Variants in PAK5 observed in about 807,000 individuals in gnomAD.
PAK5 encodes the protein p21 (RAC1) activated kinase 5, also known as serine/threonine-protein kinase PAK 5.
A neutral mutation model predicts 65.9 loss-of-function variants in PAK5; 16 were observed. The ratio of observed to expected loss-of-function variants is 0.24; its 90% CI spans 0.16 to 0.37. PAK5 has a LOEUF of 0.37. PAK5 is among the 10% of genes least tolerant of loss of function. The probability of loss-of-function intolerance (pLI) is 1.00; values close to 1 mark genes in which losing one functional copy is unlikely to be tolerated. For synonymous variants in PAK5, 371 were observed against 354.9 expected (o/e 1.05, Z -0.51); for missense variants, 785 against 903.9 (o/e 0.87, Z 1.69).
chr20:9,787,990 G>GA (rs1363682154), intron 1 of PAK5, among the ~76,000 whole-genome samples: 1 of 150,986 alleles, frequency 6.6e-6, no homozygotes, highest in East Asian at 2.0e-4. Context: ...TGTTGGGGGG[G>GA]GTATGTGTGA....
At chr20:9,607,505 A>T (rs1262164958) in intron 3 of PAK5, among the ~76,000 whole-genome samples, 2 of 152,194 alleles carry the variant, frequency 1.3e-5, no homozygotes, top group Non-Finnish European at 2.9e-5. Flanking sequence ...TCTCAGTGTT[A>T]ATGTCTTAAT....
chr20:9,760,577 GAAA>G lies in PAK5; in HGVS notation c.-161-49145_-161-49143del, dbSNP rs5840330. Reference sequence around the variant, plus strand: ...AGAATTTCAAGTTTTTGATGGTTGAGAAAAAAAAAAAAAAATGTATATTTGAGT... The same window carrying G: ...AGAATTTCAAGTTTTTGATGGTTGAGAAAAAAAAAAAATGTATATTTGAGT... On this transcript the variant is annotated intron_variant, in intron 1 of 9. Coordinates refer to ENST00000353224, the MANE Select transcript of PAK5 (RefSeq NM_177990.4). 7.5e-5 allele frequency among the ~76,000 whole-genome samples: 9 copies of G among 119,982 alleles called. No individual in the cohort carries two copies. The East Asian group carries it at 1.9e-3, about 25-fold the overall frequency. 78.7% of individuals were successfully genotyped at this position (119,982 alleles called of 152,430 possible). A position where few individuals can be genotyped will look rare whatever the true frequency, so the allele number is the denominator to read the frequency against.
At chr20:9,643,293 G>A (rs902225473) in intron 3 of PAK5, among the ~76,000 whole-genome samples, 2 of 152,110 alleles carry the variant, frequency 1.3e-5, no homozygotes, top group African/African-American at 4.8e-5. Flanking sequence ...GAGAACTTTT[G>A]GGCAATTGCC....
intron 1 of PAK5, among the ~76,000 whole-genome samples, chr20:9,745,745 T>C (rs990324000): frequency 6.6e-6 from 1 of 152,062 alleles, no homozygotes; most frequent in Non-Finnish European, 1.5e-5. Flanking sequence ...TGCCACTCCA[T>C]GGATCACATT....
Position 9,580,340 on chromosome 20 carries a change from G to A in PAK5, c.795C>T (p.Asp265=), listed in dbSNP as rs149110620. Reference sequence around the variant, plus strand: ...TCAGGTACGAAGACTTTGGCCTCCTGTCATAGTCATCCAGGCTGGGTCCCC... The same window carrying A: ...TCAGGTACGAAGACTTTGGCCTCCTATCATAGTCATCCAGGCTGGGTCCCC... The part of the protein sequence containing the change: ...SEWGPSLDDY[D]RRPKSSYLNQ... Residue 265 remains aspartate, a synonymous_variant, in exon 4 of 10, where the codon GAC becomes GAT. Coordinates refer to ENST00000353224, the MANE Select transcript of PAK5 (RefSeq NM_177990.4). 7.9e-5 allele frequency: 128 copies of A among 1,614,036 alleles called. No homozygotes were observed. Among genetic ancestry groups the A allele is most frequent in the Non-Finnish European group, 1.0e-4 (119 of 1,180,034 alleles).
At position 9,542,738 on chromosome 20, in the gene PAK5, C is replaced by G. The variant is rs2045286869; in HGVS notation, c.1870-18G>C. On this transcript the variant is annotated intron_variant, in intron 8 of 9. Transcript: ENST00000353224. ...ATGTCCACCTGTTAGGCACACCCTA[C>G]TGGTTATCTCAGGCAAGGAGAACAT... The G allele has an allele frequency of 6.2e-7, 1 of 1,610,526 alleles. No individual in the cohort carries two copies. The highest frequency in any genetic ancestry group is 8.5e-7 in the Non-Finnish European group (1 of 1,177,564).
At position 9,538,570 on chromosome 20, in the gene PAK5, AG is replaced by A. The variant is rs1479266717; in HGVS notation, c.*891del. The A allele has an allele frequency of 4.3e-6, 1 of 233,158 alleles. No homozygotes were observed. Among genetic ancestry groups the A allele is most frequent in the African/African-American group, 2.2e-5 (1 of 45,332 alleles). 14.4% of individuals were successfully genotyped at this position (233,158 alleles called of 1,614,324 possible). ...TCCCTGGGAGGGAAATTTGGCCACAAGGGAACATTGTACCCATTTGAGAAAG... is the reference window on the plus strand; with the variant it reads ...TCCCTGGGAGGGAAATTTGGCCACAAGGAACATTGTACCCATTTGAGAAAG... On this transcript the variant is annotated 3_prime_UTR_variant, in exon 10 of 10. Coordinates refer to ENST00000353224, the MANE Select transcript of PAK5 (RefSeq NM_177990.4).
chr20:9,541,520 A>G (rs1169572680), intron 9 of PAK5, among the ~76,000 whole-genome samples: 2 of 151,882 alleles, frequency 1.3e-5, no homozygotes, highest in East Asian at 3.9e-4. Flanking sequence ...CCCCTTTCTG[A>G]CTTTACTCCA....
intron 3 of PAK5, among the ~76,000 whole-genome samples, chr20:9,583,946 T>C (rs2046024555): frequency 6.6e-6 from 1 of 152,218 alleles, no homozygotes; most frequent in Non-Finnish European, 1.5e-5. Context: ...AATATCCTAG[T>C]CTTTTTTTTG....
intron 1 of PAK5, among the ~76,000 whole-genome samples, chr20:9,778,364 T>C (rs80005491): frequency 0.026 from 3,927 of 152,158 alleles, 148 homozygotes; most frequent in African/African-American, 0.088. Context: ...CGGCCTCCCA[T>C]GTGGCTAGGA....
rs570795121 is a variant in PAK5 at position 9,685,485 on chromosome 20, A to T, written c.-12+25801T>A. On this transcript the variant is annotated intron_variant, in intron 2 of 9. Coordinates refer to ENST00000353224, the MANE Select transcript of PAK5 (RefSeq NM_177990.4). The stretch of plus-strand genomic sequence containing the variant: ...AGAAAGAGATCCACAGGACAAGGAG[A>T]GTAAAAGATTGCCAGAAAACAACTA... Among the ~76,000 whole-genome samples, 13 of 152,340 alleles carry T rather than the reference A, an allele frequency of 8.5e-5. No homozygotes were observed. The East Asian group carries it at 2.5e-3, about 29-fold the overall frequency.
At chr20:9,776,314 A>G (rs545730372) in intron 1 of PAK5, among the ~76,000 whole-genome samples, 1 of 152,296 alleles carries the variant, frequency 6.6e-6, no homozygotes, top group South Asian at 2.1e-4. Context: ...ACATTCATCT[A>G]TTGACTCATT....
chr20:9,821,804 A>C (rs1416887908), intron 1 of PAK5, among the ~76,000 whole-genome samples: 2 of 152,088 alleles, frequency 1.3e-5, no homozygotes, highest in African/African-American at 4.8e-5. Flanking sequence ...CTCCATGCAA[A>C]ATTATTTTTG....
chr20:9,778,163 G>A (rs887647724), intron 1 of PAK5, among the ~76,000 whole-genome samples: 23 of 152,110 alleles, frequency 1.5e-4, no homozygotes, highest in African/African-American at 4.6e-4. Flanking sequence ...TCCCATGTTC[G>A]TGTGTATAAC....
intron 3 of PAK5, among the ~76,000 whole-genome samples, chr20:9,601,081 G>A (rs1414932370): frequency 3.3e-5 from 5 of 152,124 alleles, no homozygotes; most frequent in Non-Finnish European, 4.4e-5. Flanking sequence ...TTATATCTAA[G>A]CTGGAGGGTG....
chr20:9,597,364 T>C (rs781140711), intron 3 of PAK5, among the ~76,000 whole-genome samples: 3 of 152,228 alleles, frequency 2.0e-5, no homozygotes, highest in African/African-American at 7.2e-5. Flanking sequence ...GAGAGAAAAC[T>C]GTATGCATGA....
At chr20:9,640,786 G>A (rs941268104) in intron 3 of PAK5, among the ~76,000 whole-genome samples, 11 of 151,516 alleles carry the variant, frequency 7.3e-5, no homozygotes, top group Non-Finnish European at 1.3e-4. Flanking sequence ...TTAAGACAGC[G>A]CGTCTGGAGT....
At chr20:9,574,269 G>A (rs1302971376) in intron 4 of PAK5, among the ~76,000 whole-genome samples, 1 of 152,148 alleles carries the variant, frequency 6.6e-6, no homozygotes, top group Non-Finnish European at 1.5e-5. Flanking sequence ...CTACAAACTA[G>A]CAAAGCCTAG....
At chr20:9,697,878 A>C (rs570924022) in intron 2 of PAK5, among the ~76,000 whole-genome samples, 3 of 152,178 alleles carry the variant, frequency 2.0e-5, no homozygotes, top group African/African-American at 7.2e-5. Context: ...CTTGGTTTGG[A>C]CAATACACAT....
Sources: gnomAD v4.1 joint callset for allele counts (sites outside exome capture counted in the v4.1 genomes callset) on GRCh38, gnomAD v4.1.1 for gene constraint, MANE v1.5 for transcripts, NCBI Gene and HGNC (gene_info 2026-07-23, HGNC 2026-07-21) for gene names.